The following KCNJ6 variants were observed in gnomAD, a reference collection of about 807,000 sequenced individuals.
KCNJ6 encodes the protein potassium inwardly rectifying channel subfamily J member 6, also known as G protein-activated inward rectifier potassium channel 2.
In KCNJ6, 9 loss-of-function variants were observed where a neutral mutation model predicts 34.2. The ratio of observed to expected loss-of-function variants is 0.26; its 90% CI spans 0.16 to 0.46. The LOEUF (loss-of-function observed/expected upper bound fraction) is 0.46. Among genes scored for constraint, KCNJ6 ranks in the 20% least tolerant of loss-of-function variants. The pLI is 1.00. For missense variants in KCNJ6, 236 were observed against 531.3 expected, an observed-to-expected ratio of 0.44 and a Z score of 5.46; for synonymous variants, 196 against 207.1, an observed-to-expected ratio of 0.95 and a Z score of 0.46.
Position 37,611,146 on chromosome 21 carries a change from G to A in KCNJ6, c.*14013C>T, listed in dbSNP as rs1397892674. Reference sequence around the variant, plus strand: ...AATTACTACTATCAGAAATGAGAGCGGGGACGTTACTAGCAATCCCATGGA... The same window carrying A: ...AATTACTACTATCAGAAATGAGAGCAGGGACGTTACTAGCAATCCCATGGA... On this transcript the variant is annotated 3_prime_UTR_variant, in exon 4 of 4. Coordinates refer to ENST00000609713, the MANE Select transcript of KCNJ6 (RefSeq NM_002240.5). 1 of 152,048 alleles carries A rather than the reference G, an allele frequency of 6.6e-6. No homozygotes were observed. Among genetic ancestry groups the A allele is most frequent in the African/African-American group, 2.4e-5 (1 of 41,402 alleles). The allele number at this position is 152,048 out of a possible 1,614,324, so 9.4% of individuals were successfully genotyped here.
chr21:37,824,633 GTGAGCTCTCA>G (rs938269320), intron 2 of KCNJ6, among the ~76,000 whole-genome samples: 2 of 152,168 alleles, frequency 1.3e-5, no homozygotes, highest in African/African-American at 2.4e-5. Flanking sequence ...TCTTGTGATA[GTGAGCTCTCA>G]TGAGATCTGA....
chr21:37,730,409 T>C (rs748488814), intron 2 of KCNJ6, among the ~76,000 whole-genome samples: 6 of 152,066 alleles, frequency 3.9e-5, no homozygotes, highest in African/African-American at 7.2e-5. Context: ...TGCCTCAGAG[T>C]CTGTTTCCTC....
At chr21:37,651,628 A>G (rs1478669437) in intron 3 of KCNJ6, among the ~76,000 whole-genome samples, 1 of 152,198 alleles carries the variant, frequency 6.6e-6, no homozygotes, top group Non-Finnish European at 1.5e-5. Context: ...GGGACAGGGA[A>G]CATACAAATT....
At chr21:37,783,586 C>T (rs1375661921) in intron 2 of KCNJ6, among the ~76,000 whole-genome samples, 1 of 152,162 alleles carries the variant, frequency 6.6e-6, no homozygotes, top group Non-Finnish European at 1.5e-5. Context: ...TTGTCAGCAA[C>T]ATGAAAATGG....
intron 1 of KCNJ6, among the ~76,000 whole-genome samples, chr21:37,877,677 C>T (rs1056692857): frequency 7.2e-5 from 11 of 152,064 alleles, no homozygotes; most frequent in African/African-American, 2.7e-4. Flanking sequence ...TGCTGCTCAA[C>T]GTGTATTTCC....
intron 3 of KCNJ6, among the ~76,000 whole-genome samples, chr21:37,708,789 G>T (rs1391918899): frequency 6.6e-6 from 1 of 152,142 alleles, no homozygotes; most frequent in African/African-American, 2.4e-5. Flanking sequence ...TTATCAAAAG[G>T]AGAAAAATAA....
At chr21:37,752,179 T>C (rs2054999279) in intron 2 of KCNJ6, among the ~76,000 whole-genome samples, 1 of 152,204 alleles carries the variant, frequency 6.6e-6, no homozygotes, top group Non-Finnish European at 1.5e-5. Context: ...GGCGGGCTGC[T>C]CTGTGTCCTC....
At chr21:37,884,625 T>C (rs1219434240) in intron 1 of KCNJ6, among the ~76,000 whole-genome samples, 1 of 152,114 alleles carries the variant, frequency 6.6e-6, no homozygotes, top group Non-Finnish European at 1.5e-5. Flanking sequence ...AAAAGTCAAA[T>C]TTCACAAAAA....
At chr21:37,665,018 G>A (rs948003635) in intron 3 of KCNJ6, among the ~76,000 whole-genome samples, 19 of 151,920 alleles carry the variant, frequency 1.3e-4, no homozygotes, top group Non-Finnish European at 2.6e-4. Context: ...GGATGGTCTC[G>A]ATCTCCTGAC....
chr21:37,740,216 T>C (rs1406148556), intron 2 of KCNJ6, among the ~76,000 whole-genome samples: 1 of 152,212 alleles, frequency 6.6e-6, no homozygotes, highest in Non-Finnish European at 1.5e-5. Context: ...AAATTTAACC[T>C]GAGAGACTGG....
intron 1 of KCNJ6, among the ~76,000 whole-genome samples, chr21:37,869,801 C>T (rs971058597): frequency 2.6e-5 from 4 of 152,208 alleles, no homozygotes; most frequent in African/African-American, 7.2e-5. Context: ...CTACTCATCC[C>T]CTACCACTGG....
At chr21:37,856,898 T>C (rs1227690797) in intron 1 of KCNJ6, among the ~76,000 whole-genome samples, 1 of 152,164 alleles carries the variant, frequency 6.6e-6, no homozygotes, top group African/African-American at 2.4e-5. Context: ...CATTCCAGTG[T>C]GTGATGCTCT....
chr21:37,812,898 C>A (rs1213245698), intron 2 of KCNJ6, among the ~76,000 whole-genome samples: 6 of 152,294 alleles, frequency 3.9e-5, no homozygotes. Context: ...CTACATAGTA[C>A]TGGAAGTCCT....
intron 1 of KCNJ6, among the ~76,000 whole-genome samples, chr21:37,853,833 T>C (rs2055549107): frequency 1.6e-5 from 2 of 127,918 alleles, no homozygotes; most frequent in African/African-American, 5.5e-5. Context: ...AGTTAAGAGA[T>C]ACATATATAT....
chr21:37,737,008 G>C (rs534762473), intron 2 of KCNJ6, among the ~76,000 whole-genome samples: 2 of 152,264 alleles, frequency 1.3e-5, no homozygotes, highest in South Asian at 2.1e-4. Context: ...AATTACGTTG[G>C]GGGCACGATG....
At chr21:37,833,421 T>G (rs1359586531) in intron 2 of KCNJ6, among the ~76,000 whole-genome samples, 2 of 152,122 alleles carry the variant, frequency 1.3e-5, no homozygotes, top group African/African-American at 2.4e-5. Context: ...TCTTGGAAGT[T>G]AGGCGAGGTT....
chr21:37,816,872 C>T (rs1023368329), intron 2 of KCNJ6, among the ~76,000 whole-genome samples: 4 of 152,166 alleles, frequency 2.6e-5, no homozygotes, highest in Non-Finnish European at 4.4e-5. Flanking sequence ...CCTATCCAGC[C>T]TAACTCAGAC....
chr21:37,872,375 G>C (rs1247538426), intron 1 of KCNJ6, among the ~76,000 whole-genome samples: 1 of 152,176 alleles, frequency 6.6e-6, no homozygotes, highest in East Asian at 1.9e-4. Context: ...CCTGGAGTCT[G>C]GATCTTACAA....
At chr21:37,760,250 T>C (rs1235004747) in intron 2 of KCNJ6, among the ~76,000 whole-genome samples, 2 of 152,190 alleles carry the variant, frequency 1.3e-5, no homozygotes, top group Non-Finnish European at 2.9e-5. Flanking sequence ...TTTTGGCATA[T>C]TAGGTAGCAA....
Sources: gnomAD v4.1 joint callset for allele counts (sites outside exome capture counted in the v4.1 genomes callset) on GRCh38, gnomAD v4.1.1 for gene constraint, MANE v1.5 for transcripts, NCBI Gene and HGNC (gene_info 2026-07-23, HGNC 2026-07-21) for gene names.